POGLUT3: variants seen among roughly 807,000 people sequenced by gnomAD.
POGLUT3 encodes protein O-glucosyltransferase 3.
POGLUT3 carries 48 observed loss-of-function variants against 54.3 expected under a neutral mutation model. The ratio of observed to expected loss-of-function variants is 0.88; its 90% CI spans 0.70 to 1.12. The LOEUF (loss-of-function observed/expected upper bound fraction) is 1.12, where lower values mean the gene tolerates loss of function less well. POGLUT3 is among the 50% of genes most tolerant of loss of function. POGLUT3 has a pLI of 0.00. For synonymous variants in POGLUT3, 218 were observed against 237.4 expected, an observed-to-expected ratio of 0.92 and a Z score of 0.75; for missense variants, 629 against 618.7, an observed-to-expected ratio of 1.02 and a Z score of -0.18.
At chr11:108,496,361 A>G (rs1200605182) in intron 1 of POGLUT3, among the ~76,000 whole-genome samples, 2 of 152,092 alleles carry the variant, frequency 1.3e-5, no homozygotes, top group African/African-American at 2.4e-5. Context: ...AATCAAAATA[A>G]TAATATTCTG....
chr11:108,497,275 C>T (rs1241109759), intron 1 of POGLUT3, among the ~76,000 whole-genome samples: 1 of 152,166 alleles, frequency 6.6e-6, no homozygotes, highest in Non-Finnish European at 1.5e-5. Flanking sequence ...ATGTTTGGTT[C>T]CTAAATTCTC....
At chr11:108,492,099 CAA>C (rs60961075) in intron 1 of POGLUT3, among the ~76,000 whole-genome samples, 1 of 152,050 alleles carries the variant, frequency 6.6e-6, no homozygotes, top group South Asian at 2.1e-4. Flanking sequence ...CACACACACA[CAA>C]ACACACACAT....
At chr11:108,478,449 C>A (rs930237656) in intron 6 of POGLUT3, among the ~76,000 whole-genome samples, 4 of 152,184 alleles carry the variant, frequency 2.6e-5, no homozygotes, top group Non-Finnish European at 5.9e-5. Flanking sequence ...TCCGTTTTCA[C>A]GTTACAACAT....
At chr11:108,482,703 G>A (rs1018617399) in intron 3 of POGLUT3, among the ~76,000 whole-genome samples, 13 of 151,948 alleles carry the variant, frequency 8.6e-5, no homozygotes, top group Non-Finnish European at 1.5e-4. Context: ...CCAAGATCGC[G>A]CCACTGCACT....
intron 5 of POGLUT3, among the ~76,000 whole-genome samples, chr11:108,480,135 CA>C (rs1180813256): frequency 9.2e-5 from 14 of 152,338 alleles, no homozygotes; most frequent in Non-Finnish European, 1.9e-4. Flanking sequence ...TACGCCCAGC[CA>C]GGAAAACTAT....
chr11:108,477,975 C>G (rs1344042267), intron 6 of POGLUT3: 1 of 383,064 alleles, frequency 2.6e-6, no homozygotes, highest in East Asian at 6.1e-5. Flanking sequence ...ATGGTGAAAC[C>G]CCATCTCTAC....
chr11:108,491,527 T>A, intron 1 of POGLUT3: 1 of 287,288 alleles, frequency 3.5e-6, no homozygotes, highest in Non-Finnish European at 6.4e-6. Flanking sequence ...CATGCCCAGC[T>A]AATTTTTGAA....
At chr11:108,482,381 T>A (rs2135852016) in intron 3 of POGLUT3, among the ~76,000 whole-genome samples, 159 bp from the exon 4 acceptor site, 1 of 152,292 alleles carries the variant, frequency 6.6e-6, no homozygotes, top group African/African-American at 2.4e-5. Context: ...TGGCTGTGAA[T>A]TTGTCACCTG....
In POGLUT3 at chr11:108,486,182, T is replaced by G; in HGVS notation, c.659A>C (p.Glu220Ala). The G allele has an allele frequency of 6.2e-7, 1 of 1,610,510 alleles. No homozygotes were observed. The highest frequency in any genetic ancestry group is 1.3e-5 in the African/African-American group (1 of 74,980). ...KYTDFKMFSD[E>A]ILLSLTRKVL... ...CTTTCTTGTCAATGATAACAAAATC[T>G]CATCAGAGAACATCTTGAAGTCTGT... The change falls in exon 3 of 8, where the codon GAG becomes GCG. Residue 220 changes from glutamate (E) to alanine (A), a missense_variant. Glu to Ala is a moderately radical substitution (Grantham distance 107). Coordinates refer to ENST00000323468, the MANE Select transcript of POGLUT3 (RefSeq NM_153705.5).
At chr11:108,484,711 G>GT (rs922053068) in intron 3 of POGLUT3, among the ~76,000 whole-genome samples, 2 of 152,126 alleles carry the variant, frequency 1.3e-5, no homozygotes, top group Non-Finnish European at 2.9e-5. Context: ...AGCCGAGATC[G>GT]TGCCACTGCA....
chr11:108,479,357 A>C lies in POGLUT3; in HGVS notation c.1237T>G (p.Tyr413Asp), dbSNP rs1388626725. Residue 413 changes from tyrosine to aspartate, a missense_variant, in exon 6 of 8, where the codon TAT (tyrosine) becomes GAT (aspartate). Transcript: ENST00000323468. ...CTCAGATTTCTTTTAATTGGAACATAATGCTTCCAAGGTTCTAGTGCCATG... is the reference window on the plus strand; with the variant it reads ...CTCAGATTTCTTTTAATTGGAACATCATGCTTCCAAGGTTCTAGTGCCATG... ...FYMALEPWKH[Y>D]VPIKRNLSDL... 7 of 1,612,600 alleles carry C rather than the reference A, an allele frequency of 4.3e-6. No individual in the cohort carries two copies. The South Asian group carries it at 7.7e-5, about 18-fold the overall frequency.
At chr11:108,491,430 T>C in intron 1 of POGLUT3, 1 of 569,182 alleles carries the variant, frequency 1.8e-6, no homozygotes, top group South Asian at 2.2e-5. Context: ...TCCTAGCTCA[T>C]TACAGCTCCA....
intron 3 of POGLUT3, among the ~76,000 whole-genome samples, chr11:108,483,946 G>A (rs561877435): frequency 6.6e-6 from 1 of 152,218 alleles, no homozygotes; most frequent in South Asian, 2.1e-4. Context: ...TAGGATGACA[G>A]GTGTGAGCCA....
intron 1 of POGLUT3, among the ~76,000 whole-genome samples, chr11:108,496,822 T>C (rs548043049): frequency 4.6e-5 from 7 of 152,328 alleles, no homozygotes; most frequent in Non-Finnish European, 5.9e-5. Flanking sequence ...GTCATTTGCT[T>C]GGCATTCAAG....
intron 2 of POGLUT3, among the ~76,000 whole-genome samples, chr11:108,488,286 A>T (rs976781603): frequency 1.3e-5 from 2 of 152,160 alleles, no homozygotes; most frequent in African/African-American, 4.8e-5. Context: ...CGGTCTCCCA[A>T]AGTGCTGGGA....
At chr11:108,483,815 C>T (rs189098030) in intron 3 of POGLUT3, among the ~76,000 whole-genome samples, 8 of 152,074 alleles carry the variant, frequency 5.3e-5, no homozygotes, top group South Asian at 2.1e-4. Flanking sequence ...ACTACAGGCA[C>T]GCACCACCAC....
Position 108,482,098 on chromosome 11 carries a change from T to A in POGLUT3, c.809A>T (p.Asp270Val). Residue 270 changes from aspartate to valine, a missense_variant, in exon 4 of 8, where the codon GAT becomes GTT. Physicochemically the swap from Asp to Val is radical, Grantham distance 152. Transcript: ENST00000323468. Reference protein sequence around the residue: ...ISWCGSLDSRDVVLPTYDITH... With the variant: ...ISWCGSLDSRVVVLPTYDITH... ...GATGTCATACGTTGGAAGGACAACATCTCTTGAATCCAGAGAGCCACACCA... is the reference window on the plus strand; with the variant it reads ...GATGTCATACGTTGGAAGGACAACAACTCTTGAATCCAGAGAGCCACACCA... 1 of 1,614,140 alleles carries A rather than the reference T, an allele frequency of 6.2e-7. No homozygotes were observed. The highest frequency in any genetic ancestry group is 8.5e-7 in the Non-Finnish European group (1 of 1,180,016).
intron 2 of POGLUT3, among the ~76,000 whole-genome samples, chr11:108,488,446 G>C (rs576941110): frequency 2.6e-5 from 4 of 152,306 alleles, no homozygotes; most frequent in Admixed American, 2.6e-4. Context: ...GAGCTTTGAG[G>C]TTGTAGTACA....
chr11:108,481,643 T>C (rs1156580655), intron 4 of POGLUT3, among the ~76,000 whole-genome samples: 4 of 152,230 alleles, frequency 2.6e-5, no homozygotes, highest in Admixed American at 1.3e-4. Context: ...ATTTGTCTGC[T>C]AGTGAAAGCT....
Sources: gnomAD v4.1 joint callset for allele counts (sites outside exome capture counted in the v4.1 genomes callset) on GRCh38, gnomAD v4.1.1 for gene constraint, MANE v1.5 for transcripts, NCBI Gene and HGNC (gene_info 2026-07-23, HGNC 2026-07-21) for gene names.